Variants in BMS1 observed in about 807,000 individuals in gnomAD.
The protein encoded by BMS1 is ribosome biogenesis protein BMS1 homolog.
A neutral mutation model predicts 138.7 loss-of-function variants in BMS1; 53 were observed. The ratio of observed to expected loss-of-function variants is 0.38; its 90% CI spans 0.31 to 0.48. The LOEUF (loss-of-function observed/expected upper bound fraction) is 0.48. BMS1 is among the 20% of genes least tolerant of loss of function. The pLI, the probability that BMS1 is intolerant of heterozygous loss-of-function variation, is 0.97. For missense variants in BMS1, 1,360 were observed against 1,565.5 expected, an observed-to-expected ratio of 0.87 and a Z score of 2.22; for synonymous variants, 504 against 539.9, an observed-to-expected ratio of 0.93 and a Z score of 0.92.
At chr10:42,793,434 A>G (rs913387754) in intron 8 of BMS1, among the ~76,000 whole-genome samples, 3 of 152,170 alleles carry the variant, frequency 2.0e-5, no homozygotes, top group African/African-American at 4.8e-5. Flanking sequence ...CTACAAAATC[A>G]GTGTGCTTTC....
At chr10:42,789,690 G>A (rs1013659319) in intron 4 of BMS1, among the ~76,000 whole-genome samples, 2 of 151,722 alleles carry the variant, frequency 1.3e-5, no homozygotes, top group African/African-American at 4.8e-5. Context: ...GGTTTCCACT[G>A]CATACTTCTC....
intron 21 of BMS1, among the ~76,000 whole-genome samples, chr10:42,824,212 C>A (rs1228454669): frequency 6.6e-6 from 1 of 152,150 alleles, no homozygotes; most frequent in Admixed American, 6.5e-5. Context: ...CTATAGCCCT[C>A]ATGATATACA....
intron 5 of BMS1, among the ~76,000 whole-genome samples, 187 bp downstream of exon 5, chr10:42,790,698 A>C (rs1203485063): frequency 6.6e-6 from 1 of 152,028 alleles, no homozygotes; most frequent in Non-Finnish European, 1.5e-5. Context: ...AAAAATGCAA[A>C]AATTAGTCCG....
intron 13 of BMS1, among the ~76,000 whole-genome samples, chr10:42,807,361 G>A (rs983910547): frequency 2.0e-5 from 3 of 152,176 alleles, no homozygotes; most frequent in African/African-American, 7.2e-5. Context: ...TCAAGTTGGT[G>A]CATATACCAT....
intron 13 of BMS1, 134 bp from the exon 14 acceptor site, chr10:42,816,465 G>C: frequency 5.0e-6 from 3 of 597,444 alleles, no homozygotes; most frequent in Non-Finnish European, 8.5e-6. Flanking sequence ...GCAAAGTTTT[G>C]CCTGTGTGTG....
intron 3 of BMS1, 83 bp from the exon 4 acceptor site, chr10:42,787,085 G>A: frequency 1.2e-6 from 1 of 849,680 alleles, no homozygotes; most frequent in Non-Finnish European, 2.0e-6. Flanking sequence ...ACTGGATGCA[G>A]TTAAAAAATG....
intron 1 of BMS1, among the ~76,000 whole-genome samples, chr10:42,783,164 C>T (rs992288487): frequency 2.0e-5 from 3 of 152,066 alleles, no homozygotes; most frequent in Admixed American, 1.3e-4. Flanking sequence ...GGGAGAGAAA[C>T]ATTAGTACAA....
intron 21 of BMS1, among the ~76,000 whole-genome samples, chr10:42,825,450 T>G (rs959393863): frequency 7.9e-5 from 12 of 152,264 alleles, no homozygotes; most frequent in African/African-American, 2.9e-4. Context: ...TCTTTCCATT[T>G]GTTCATGTCT....
rs1391277041 is a variant in BMS1 at position 42,831,369 on chromosome 10, C to T, written c.*273C>T. The T allele has an allele frequency of 3.0e-6, 1 of 338,854 alleles. No individual in the cohort carries two copies. Among genetic ancestry groups the T allele is most frequent in the East Asian group, 5.0e-5 (1 of 20,080 alleles). 21.0% of individuals were successfully genotyped at this position (338,854 alleles called of 1,614,324 possible). The stretch of plus-strand genomic sequence containing the variant: ...GCCTGCCTCAGTTTAATTATTTTGT[C>T]CTACAGAAATATCATTAAAATATTT... On this transcript the variant is annotated 3_prime_UTR_variant, in exon 23 of 23. Coordinates refer to ENST00000374518, the MANE Select transcript of BMS1 (RefSeq NM_014753.4).
Position 42,830,422 on chromosome 10 carries a change from G to T in BMS1, c.3618G>T (p.Lys1206Asn). ...PAVIREPHER[K>N]ILALLDALST... The stretch of plus-strand genomic sequence containing the variant: ...TCATACGCGAGCCTCATGAAAGAAA[G>T]GTACTGTTGCCCATGCTGTACTGCA... Residue 1206 changes from lysine to asparagine, a missense_variant and splice_region_variant, in exon 22 of 23, where the codon AAG (lysine) becomes AAT (asparagine). Physicochemically the swap from Lys to Asn is moderately conservative, Grantham distance 94. Coordinates refer to ENST00000374518, the MANE Select transcript of BMS1 (RefSeq NM_014753.4). 1 of 1,606,482 alleles carries T rather than the reference G, an allele frequency of 6.2e-7. No individual in the cohort carries two copies. Among genetic ancestry groups the T allele is most frequent in the South Asian group, 1.1e-5 (1 of 89,384 alleles).
intron 21 of BMS1, 145 bp downstream of exon 21, chr10:42,823,929 T>C: frequency 1.3e-6 from 1 of 755,494 alleles, no homozygotes; most frequent in South Asian, 6.3e-5. Context: ...GTTGTATATT[T>C]GTGGAATATT....
intron 13 of BMS1, among the ~76,000 whole-genome samples, chr10:42,813,973 ATGT>A (rs957445235): frequency 1.3e-5 from 2 of 152,068 alleles, no homozygotes; most frequent in Non-Finnish European, 2.9e-5. Context: ...GCACTTGAAA[ATGT>A]TGTGCCACTT....
rs1381071115 is a variant in BMS1, at chr10:42,833,618, C to A, written c.*2522C>A. On this transcript the variant is annotated 3_prime_UTR_variant, in exon 23 of 23. Transcript: ENST00000374518. ...ACATAGAAAAGGCGTAGCAAAAATA[C>A]AGTATTGTGGAACCACTGCCATATA... The A allele has an allele frequency of 3.3e-5, 5 of 152,212 alleles. No individual in the cohort carries two copies. Among genetic ancestry groups the A allele is most frequent in the Non-Finnish European group, 7.3e-5 (5 of 68,038 alleles). The allele number at this position is 152,212 out of a possible 1,614,324, so 9.4% of individuals were successfully genotyped here. A position where few individuals can be genotyped will look rare whatever the true frequency, so the allele number is the denominator to read the frequency against.
intron 15 of BMS1, among the ~76,000 whole-genome samples, chr10:42,818,163 T>C (rs1842404408): frequency 6.6e-6 from 1 of 152,188 alleles, no homozygotes. Context: ...ATTAGGTATA[T>C]GATTTGTGAA....
At chr10:42,810,470 T>G (rs11239781) in intron 13 of BMS1, among the ~76,000 whole-genome samples, 71,750 of 151,924 alleles carry the variant, frequency 0.47, 17,670 homozygotes, top group East Asian at 0.64. Context: ...CTTTTTGTGG[T>G]GGTACTGTCT....
chr10:42,807,289 A>T (rs1362766931), intron 13 of BMS1, among the ~76,000 whole-genome samples: 1 of 152,170 alleles, frequency 6.6e-6, no homozygotes. Flanking sequence ...AAACAGAATC[A>T]TACAGTCTAT....
At position 42,830,353 on chromosome 10, in the gene BMS1, A is replaced by C. The variant is rs1259685633; in HGVS notation, c.3549A>C (p.Gln1183His). The stretch of plus-strand genomic sequence containing the variant: ...CATTTAAGAACAAGCCCAAGACCCA[A>C]GCAAAGGCAGGCAAGGTGCCAAAGG... ...ALPFKNKPKT[Q>H]AKAGKVPKDR... is the part of the protein sequence containing the mutation. Residue 1183 changes from glutamine to histidine, a missense_variant, in exon 22 of 23, where the codon CAA (glutamine) becomes CAC (histidine). This residue lies in a region of BMS1 where 425 missense variants were observed against 568.3 expected (regional missense o/e 0.75). Coordinates refer to ENST00000374518, the MANE Select transcript of BMS1 (RefSeq NM_014753.4). 2 of 1,613,926 alleles carry C rather than the reference A, an allele frequency of 1.2e-6. No individual in the cohort carries two copies. Among genetic ancestry groups the C allele is most frequent in the African/African-American group, 1.3e-5 (1 of 74,894 alleles).
At chr10:42,818,302 C>T (rs1415191914) in intron 15 of BMS1, among the ~76,000 whole-genome samples, 2 of 152,228 alleles carry the variant, frequency 1.3e-5, no homozygotes, top group African/African-American at 4.8e-5. Flanking sequence ...TTTTGCTTCA[C>T]ACCATTTACA....
At chr10:42,787,123 T>C in intron 3 of BMS1, 45 bp from the exon 4 acceptor site, 1 of 752,462 alleles carries the variant, frequency 1.3e-6, no homozygotes, top group South Asian at 1.5e-5. Flanking sequence ...GTTAGAGTTT[T>C]TTCAGGGTCT....
Sources: allele counts gnomAD v4.1 joint callset (sites outside exome capture counted in the v4.1 genomes callset), GRCh38; gene constraint gnomAD v4.1.1; regional missense constraint gnomAD v4.1.1; transcripts MANE v1.5; gene names NCBI Gene and HGNC (gene_info 2026-07-23, HGNC 2026-07-21).